Variants in CNTNAP2 observed in about 807,000 individuals in gnomAD.
CNTNAP2 encodes contactin associated protein 2, also known as contactin-associated protein-like 2.
CNTNAP2 carries 98 observed loss-of-function variants against 155.2 expected under a neutral mutation model. The observed-to-expected ratio is 0.63, with a 90% CI of 0.54 to 0.75. The LOEUF (loss-of-function observed/expected upper bound fraction) is 0.75, where lower values mean the gene tolerates loss of function less well. CNTNAP2 is among the 30% of genes least tolerant of loss of function. CNTNAP2 has a pLI of 0.00. For missense variants in CNTNAP2, 1,727 were observed against 1,688.1 expected (o/e 1.02, Z -0.40); for synonymous variants, 651 against 631.2 (o/e 1.03, Z -0.47).
chr7:148,141,313 A>G (rs534342371), intron 16 of CNTNAP2, among the ~76,000 whole-genome samples: 2 of 152,368 alleles, frequency 1.3e-5, no homozygotes, highest in African/African-American at 4.8e-5. Flanking sequence ...CTCAAACATC[A>G]TATGTTTGAA....
At chr7:146,264,019 C>T (rs1257927356) in intron 1 of CNTNAP2, among the ~76,000 whole-genome samples, 3 of 152,158 alleles carry the variant, frequency 2.0e-5, no homozygotes, top group Non-Finnish European at 2.9e-5. Flanking sequence ...ACAGTAGGAC[C>T]TCCCTAATGA....
chr7:146,998,928 A>G (rs1420342272), intron 3 of CNTNAP2, among the ~76,000 whole-genome samples: 1 of 151,878 alleles, frequency 6.6e-6, no homozygotes, highest in Non-Finnish European at 1.5e-5. Flanking sequence ...TCAACATATA[A>G]TTGAGTCATT....
rs1349872430 is a variant in CNTNAP2, at chr7:147,425,325, GAGAGGATTTA to G, written c.1670+29548_1670+29557del. ...ATTAGCTAGGTAGGTATGAAAAATAGAGAGGATTTAAGTTGTATTTGCAATATTACCATGG... is the reference window on the plus strand; with the variant it reads ...ATTAGCTAGGTAGGTATGAAAAATAGAGTTGTATTTGCAATATTACCATGG... On this transcript the variant is annotated intron_variant, in intron 10 of 23. Transcript: ENST00000361727. Among the ~76,000 whole-genome samples, 31 of 151,690 alleles carry G rather than the reference GAGAGGATTTA, an allele frequency of 2.0e-4. 1 individual carries two copies. Among genetic ancestry groups the G allele is most frequent in the African/African-American group, 7.3e-4 (30 of 41,368 alleles).
At chr7:147,092,488 A>T (rs991114568) in intron 4 of CNTNAP2, among the ~76,000 whole-genome samples, 1 of 152,226 alleles carries the variant, frequency 6.6e-6, no homozygotes, top group Non-Finnish European at 1.5e-5. Context: ...TTCTTATAGT[A>T]TAAGAAGTCA....
intron 12 of CNTNAP2, among the ~76,000 whole-genome samples, chr7:147,625,388 G>A (rs1045341094): frequency 6.6e-6 from 1 of 151,918 alleles, no homozygotes; most frequent in African/African-American, 2.4e-5. Flanking sequence ...TACCTATGAT[G>A]TACCCACAAA....
At chr7:148,182,789 A>T (rs1241107330) in intron 18 of CNTNAP2, among the ~76,000 whole-genome samples, 1 of 152,168 alleles carries the variant, frequency 6.6e-6, no homozygotes, top group Admixed American at 6.5e-5. Flanking sequence ...TTTTAAATGT[A>T]TTACCTTCAT....
At chr7:146,593,832 G>C (rs1223186803) in intron 1 of CNTNAP2, among the ~76,000 whole-genome samples, 1 of 152,108 alleles carries the variant, frequency 6.6e-6, no homozygotes, top group East Asian at 1.9e-4. Context: ...CTGACTTTTA[G>C]ACGCCTGTGT....
At chr7:147,867,678 C>G (rs1392587840) in intron 13 of CNTNAP2, among the ~76,000 whole-genome samples, 13 of 152,248 alleles carry the variant, frequency 8.5e-5, no homozygotes. Context: ...ACCTTGTCAT[C>G]TCACTTTATT....
intron 1 of CNTNAP2, among the ~76,000 whole-genome samples, chr7:146,252,809 T>C (rs1245933434): frequency 6.6e-6 from 1 of 152,300 alleles, no homozygotes; most frequent in South Asian, 2.1e-4. Flanking sequence ...GATAGACACA[T>C]GCTTATTCAA....
At chr7:146,910,370 A>C (rs1796245249) in intron 3 of CNTNAP2, among the ~76,000 whole-genome samples, 1 of 149,766 alleles carries the variant, frequency 6.7e-6, no homozygotes, top group Non-Finnish European at 1.5e-5. Context: ...CAAAAGAACA[A>C]AGCTGGAGGC....
chr7:146,161,285 T>G (rs963430653), intron 1 of CNTNAP2, among the ~76,000 whole-genome samples: 2 of 152,200 alleles, frequency 1.3e-5, no homozygotes, highest in Non-Finnish European at 2.9e-5. Flanking sequence ...CTTTGAAAAC[T>G]GGCACAAGGC....
intron 9 of CNTNAP2, among the ~76,000 whole-genome samples, chr7:147,380,889 T>C (rs751716808): frequency 5.9e-5 from 9 of 152,154 alleles, no homozygotes; most frequent in Non-Finnish European, 1.3e-4. Flanking sequence ...ATTTTTTTAA[T>C]AGCAGAGCCA....
chr7:147,389,495 T>A (rs1387300129), intron 9 of CNTNAP2, among the ~76,000 whole-genome samples: 2 of 152,324 alleles, frequency 1.3e-5, no homozygotes, highest in Middle Eastern at 3.4e-3. Context: ...ATCAGCAAGT[T>A]TTTCACTGAT....
chr7:148,374,474 G>A (rs1312410427), intron 21 of CNTNAP2, among the ~76,000 whole-genome samples: 2 of 152,064 alleles, frequency 1.3e-5, no homozygotes, highest in South Asian at 2.1e-4. Context: ...AGTTTCAAAT[G>A]ACCCTCTGCT....
chr7:146,903,388 A>G (rs1465883840), intron 3 of CNTNAP2, among the ~76,000 whole-genome samples: 1 of 152,204 alleles, frequency 6.6e-6, no homozygotes, highest in Admixed American at 6.5e-5. Context: ...TGCATACTCA[A>G]TAATTTCATT....
At chr7:146,422,568 G>C (rs1405169) in intron 1 of CNTNAP2, among the ~76,000 whole-genome samples, 2 of 151,702 alleles carry the variant, frequency 1.3e-5, no homozygotes, top group Non-Finnish European at 2.9e-5. Context: ...ATGACAATTT[G>C]TAAGAGTAAA....
chr7:147,618,668 TATA>T (rs1484088948), intron 12 of CNTNAP2, among the ~76,000 whole-genome samples: 2 of 148,312 alleles, frequency 1.3e-5, no homozygotes, highest in Non-Finnish European at 3.0e-5. Context: ...CTATTATATA[TATA>T]ATAACAGCTA....
At chr7:147,101,576 G>A (rs1270231234) in intron 4 of CNTNAP2, among the ~76,000 whole-genome samples, 1 of 152,160 alleles carries the variant, frequency 6.6e-6, no homozygotes, top group African/African-American at 2.4e-5. Context: ...AAAGAATCAG[G>A]TCACATGGAC....
chr7:147,523,107 G>T (rs960483835), intron 11 of CNTNAP2, among the ~76,000 whole-genome samples: 8 of 152,178 alleles, frequency 5.3e-5, no homozygotes, highest in African/African-American at 1.7e-4. Context: ...CAATCAAGAT[G>T]CTGATGTCAG....
Sources: allele counts gnomAD v4.1 joint callset (sites outside exome capture counted in the v4.1 genomes callset), GRCh38; gene constraint gnomAD v4.1.1; transcripts MANE v1.5; gene names NCBI Gene and HGNC (gene_info 2026-07-23, HGNC 2026-07-21).